The following KLHL12 variants were observed in gnomAD, a reference collection of about 807,000 sequenced individuals.
The protein encoded by KLHL12 is kelch like family member 12.
Under a neutral mutation model 60.8 loss-of-function variants are expected in KLHL12, and 17 were observed. That is an observed-to-expected ratio of 0.28 (90% CI 0.19 to 0.42). The LOEUF (loss-of-function observed/expected upper bound fraction) is 0.42. Among genes scored for constraint, KLHL12 ranks in the 10% least tolerant of loss-of-function variants. The pLI is 1.00. For synonymous variants in KLHL12, 220 were observed against 250.9 expected (o/e 0.88, Z 1.16); for missense variants, 468 against 722.3 (o/e 0.65, Z 4.04).
intron 6 of KLHL12, among the ~76,000 whole-genome samples, chr1:202,900,940 G>A (rs1003367954): frequency 8.5e-5 from 13 of 152,062 alleles, no homozygotes; most frequent in East Asian, 3.9e-4. Flanking sequence ...CAGCTACTCC[G>A]GAGGCTGAGG....
chr1:202,902,155 G>A (rs1660025525), intron 6 of KLHL12, among the ~76,000 whole-genome samples: 1 of 152,118 alleles, frequency 6.6e-6, no homozygotes, highest in South Asian at 2.1e-4. Flanking sequence ...ATGGGGGCCG[G>A]GCACAGTGGC....
At chr1:202,897,250 T>C (rs1005983958) in intron 6 of KLHL12, among the ~76,000 whole-genome samples, 4 of 147,422 alleles carry the variant, frequency 2.7e-5, no homozygotes, top group Non-Finnish European at 4.5e-5. Flanking sequence ...TTTTTTTTTT[T>C]TGGAGACAGA....
intron 6 of KLHL12, among the ~76,000 whole-genome samples, chr1:202,902,075 A>T (rs1280899359): frequency 6.6e-6 from 1 of 152,200 alleles, no homozygotes; most frequent in Non-Finnish European, 1.5e-5. Flanking sequence ...ATAGTTCCAC[A>T]ATACAAAGAC....
In KLHL12 at chr1:202,895,585, C is replaced by G; in HGVS notation, c.1072G>C (p.Val358Leu). 1 of 1,614,158 alleles carries G rather than the reference C, an allele frequency of 6.2e-7. No individual in the cohort carries two copies. The highest frequency in any genetic ancestry group is 8.5e-7 in the Non-Finnish European group (1 of 1,180,010). The change falls in exon 8 of 12, where the codon GTC becomes CTC. Residue 358 changes from valine to leucine, a missense_variant. Coordinates refer to ENST00000367261, the MANE Select transcript of KLHL12 (RefSeq NM_021633.4). The surrounding 1 kb of genome is among the most constrained non-coding windows in gnomAD (Gnocchi z 4.2). ...TTCATAGGGGCCACAGAATACCAGA[C>G]CCCATCCTCATCTGCTGTGTAGTCT... The part of the protein sequence containing the change: ...CLDYTADEDG[V>L]WYSVAPMNVR...
At chr1:202,919,313 T>G (rs936954835) in intron 3 of KLHL12, among the ~76,000 whole-genome samples, 3 of 152,184 alleles carry the variant, frequency 2.0e-5, no homozygotes, top group African/African-American at 4.8e-5. Context: ...TGTAATCCTG[T>G]GAAAATATCA....
At chr1:202,903,851 G>A (rs569353755) in intron 6 of KLHL12, among the ~76,000 whole-genome samples, 2 of 151,422 alleles carry the variant, frequency 1.3e-5, no homozygotes, top group South Asian at 4.2e-4. Context: ...TCGAATTCCT[G>A]GGCTCCATCG....
chr1:202,908,977 G>A, intron 6 of KLHL12, 33 bp downstream of exon 6: 1 of 1,335,652 alleles, frequency 7.5e-7, no homozygotes, highest in Non-Finnish European at 1.1e-6. Flanking sequence ...TAGTTGAAAA[G>A]CATCCCCTCA....
At chr1:202,901,600 C>T (rs980690770) in intron 6 of KLHL12, among the ~76,000 whole-genome samples, 3 of 152,086 alleles carry the variant, frequency 2.0e-5, no homozygotes, top group African/African-American at 7.2e-5. Context: ...CTGTACCAGC[C>T]ACTCAGGGGT....
At chr1:202,914,615 C>G (rs188247358) in intron 4 of KLHL12, among the ~76,000 whole-genome samples, 1 of 152,216 alleles carries the variant, frequency 6.6e-6, no homozygotes, top group East Asian at 1.9e-4. Flanking sequence ...CGCCTGTAAT[C>G]TCAGCACTTT....
At position 202,911,037 on chromosome 1, in the gene KLHL12, A is replaced by T. The variant is rs1411313106; in HGVS notation, c.717+17T>A. 6.2e-7 allele frequency: 1 copy of T among 1,612,574 alleles called. No homozygotes were observed. Among genetic ancestry groups the T allele is most frequent in the South Asian group, 1.1e-5 (1 of 90,938 alleles). On this transcript the variant is annotated intron_variant, in intron 5 of 11. Coordinates refer to ENST00000367261, the MANE Select transcript of KLHL12 (RefSeq NM_021633.4). ...GTCCGTCAAGGTTTTGGATCCTGAG[A>T]GTGTTGCACTACTTACCTCAGCATC...
chr1:202,900,392 T>TA (rs1430464178), intron 6 of KLHL12, among the ~76,000 whole-genome samples: 4 of 149,148 alleles, frequency 2.7e-5, no homozygotes, highest in South Asian at 2.1e-4. Context: ...AAAAAAATAA[T>TA]AAAAAAAAAT....
rs1046097769 is a variant in KLHL12 at position 202,899,731 on chromosome 1, C to T, written c.833-2771G>A. ...GTCTCAGCTACTTGGGAGGCTGAGG[C>T]GGGAGAATCACTTGAACTGAGGAAG... is the stretch of plus-strand genomic sequence containing the variant. On this transcript the variant is annotated intron_variant, in intron 6 of 11. Coordinates refer to ENST00000367261, the MANE Select transcript of KLHL12 (RefSeq NM_021633.4). Among the ~76,000 whole-genome samples the T allele has an allele frequency of 5.0e-4, 75 of 151,274 alleles. 1 individual carries two copies. Among genetic ancestry groups the T allele is most frequent in the African/African-American group, 1.7e-3 (69 of 41,140 alleles).
chr1:202,906,937 C>G (rs1050554440), intron 6 of KLHL12, among the ~76,000 whole-genome samples: 1 of 152,168 alleles, frequency 6.6e-6, no homozygotes, highest in East Asian at 1.9e-4. Flanking sequence ...GCTGGGATTA[C>G]AGGTGTGAGA....
intron 4 of KLHL12, among the ~76,000 whole-genome samples, chr1:202,913,826 T>C (rs553267400): frequency 2.5e-4 from 38 of 152,302 alleles, no homozygotes; most frequent in Admixed American, 9.8e-4. Flanking sequence ...ACACTACCCA[T>C]GCGTGGCTAT....
chr1:202,925,021 G>A lies in KLHL12; in HGVS notation c.142C>T (p.Arg48Trp). The change falls in exon 2 of 12, where the codon CGG becomes TGG. Residue 48 changes from arginine to tryptophan, a missense_variant. Physicochemically the swap from Arg to Trp is moderately radical, Grantham distance 101. Around this residue, in one of 4 missense-constraint regions of KLHL12, gnomAD observed 61 missense variants for 59.9 expected, o/e 1.02. Coordinates refer to ENST00000367261, the MANE Select transcript of KLHL12 (RefSeq NM_021633.4). ...TCACTACAGGCAGCCAGCACAATCC[G>A]ATGGGCAGGGAAGTCTTTCTGCTCT... ...RVEQKDFPAH[R>W]IVLAACSDYF... 6.2e-7 allele frequency: 1 copy of A among 1,614,154 alleles called. No individual in the cohort carries two copies. The highest frequency in any genetic ancestry group is 8.5e-7 in the Non-Finnish European group (1 of 1,180,022).
At chr1:202,907,641 G>T (rs1660235998) in intron 6 of KLHL12, among the ~76,000 whole-genome samples, 1 of 140,202 alleles carries the variant, frequency 7.1e-6, no homozygotes, top group African/African-American at 2.7e-5. Context: ...ATATATATGG[G>T]AGGCCTGTAA....
intron 6 of KLHL12, among the ~76,000 whole-genome samples, chr1:202,903,629 C>CTTTCTTTTTTTTTTT (rs1660088097): frequency 7.9e-5 from 6 of 76,086 alleles, no homozygotes; most frequent in Non-Finnish European, 1.3e-4. Flanking sequence ...TTTTTCTTTT[C>CTTTCTTTTTTTTTTT]TTTTTTTTTT....
At chr1:202,928,290 A>C (rs1653715010), upstream of KLHL12, among the ~76,000 whole-genome samples, 1 of 141,622 alleles carries the variant, frequency 7.1e-6, no homozygotes, top group Admixed American at 7.1e-5. Context: ...AAAAAAAAAG[A>C]AAAAAGAAAA....
In KLHL12 at chr1:202,894,293, G is replaced by A. The variant is rs770884383; in HGVS notation, c.1295-11C>T. On this transcript the variant is annotated splice_polypyrimidine_tract_variant and intron_variant, in intron 9 of 11. Transcript: ENST00000367261. ...AGCCGTCATATCCTCCTGGAAGACA[G>A]AGACCATTCCAGAAAGAGTGGTAAA... The A allele has an allele frequency of 2.6e-6, 4 of 1,520,304 alleles. No homozygotes were observed. In the African/African-American group the frequency reaches 4.1e-5, roughly 16 times the overall value. The allele number at this position is 1,520,304 out of a possible 1,614,324, so 94.2% of individuals were successfully genotyped here.
Sources: allele counts gnomAD v4.1 joint callset (sites outside exome capture counted in the v4.1 genomes callset), GRCh38; gene constraint gnomAD v4.1.1; regional missense constraint gnomAD v4.1.1; non-coding constraint Gnocchi (gnomAD v3.1); transcripts MANE v1.5; gene names NCBI Gene and HGNC (gene_info 2026-07-23, HGNC 2026-07-21).